The following UNC80 variants were observed in gnomAD, a reference collection of about 807,000 sequenced individuals.
UNC80 encodes the protein protein unc-80 homolog.
A neutral mutation model predicts 384.6 loss-of-function variants in UNC80; 164 were observed. The ratio of observed to expected loss-of-function variants is 0.43; its 90% CI spans 0.38 to 0.49. The LOEUF (loss-of-function observed/expected upper bound fraction) is 0.49, where lower values mean the gene tolerates loss of function less well. UNC80 is among the 20% of genes least tolerant of loss of function. The probability of loss-of-function intolerance (pLI) is 0.00; values close to 1 mark genes in which losing one functional copy is unlikely to be tolerated. For synonymous variants in UNC80, 1,486 were observed against 1,527.8 expected, an observed-to-expected ratio of 0.97 and a Z score of 0.64; for missense variants, 3,330 against 4,143.0, an observed-to-expected ratio of 0.80 and a Z score of 5.39.
At chr2:209,974,979 C>G (rs530788604) in intron 56 of UNC80, among the ~76,000 whole-genome samples, 1 of 152,144 alleles carries the variant, frequency 6.6e-6, no homozygotes, top group South Asian at 2.1e-4. Flanking sequence ...TAAGCAATTG[C>G]TGTGAAAAGT....
intron 23 of UNC80, 102 bp from the exon 24 acceptor site, chr2:209,877,852 A>G (rs1368669765): frequency 1.9e-5 from 25 of 1,301,088 alleles, no homozygotes; most frequent in Non-Finnish European, 2.5e-5. Flanking sequence ...TATGCTGGAA[A>G]TAATTCTCAT....
chr2:209,978,922 AG>A (rs1287527758), intron 59 of UNC80, among the ~76,000 whole-genome samples: 6 of 151,760 alleles, frequency 4.0e-5, no homozygotes, highest in African/African-American at 1.5e-4. Flanking sequence ...AAAAGAATTC[AG>A]GGAAAAAGTA....
chr2:209,981,408 T>C (rs1203547434), intron 59 of UNC80, among the ~76,000 whole-genome samples: 1 of 152,172 alleles, frequency 6.6e-6, no homozygotes, highest in African/African-American at 2.4e-5. Flanking sequence ...TGAAATCCCA[T>C]CTCTACTAAA....
In UNC80 at chr2:209,995,404, C is replaced by T. The variant is rs1010146293; in HGVS notation, c.9784C>T (p.Leu3262Phe). 1.4e-5 allele frequency: 21 copies of T among 1,551,890 alleles called. No homozygotes were observed. Among genetic ancestry groups the T allele is most frequent in the Non-Finnish European group, 1.7e-5 (20 of 1,147,058 alleles). The stretch of plus-strand genomic sequence containing the variant: ...ACAAGGTGCTACTGCACACAGTCCA[C>T]TCTCTGCCCAACTCTCTGACCCTGA... ...EAQGATAHSP[L>F]SAQLSDPDDF... Residue 3262 changes from leucine to phenylalanine, a missense_variant, in exon 65 of 65, where the codon CTC (leucine) becomes TTC (phenylalanine). This residue lies in a region of UNC80 where 236 missense variants were observed against 254.9 expected (regional missense o/e 0.93). Transcript: ENST00000673920.
chr2:209,855,379 T>C lies in UNC80; in HGVS notation c.3627+5756T>C, dbSNP rs537038467. On this transcript the variant is annotated intron_variant, in intron 22 of 64. Transcript: ENST00000673920. ...CTGGACTTAATACCTAGATGATGAG[T>C]TGATAGGTACAGCAAACCACCATGG... 2.0e-5 allele frequency among the ~76,000 whole-genome samples: 3 copies of C among 152,116 alleles called. No homozygotes were observed. In the East Asian group the frequency reaches 5.8e-4, roughly 29 times the overall value.
At chr2:209,978,804 T>C in intron 59 of UNC80, 96 bp downstream of exon 59, 5 of 1,200,620 alleles carry the variant, frequency 4.2e-6, no homozygotes, top group Non-Finnish European at 5.4e-6. Flanking sequence ...TTTCCGCTTC[T>C]GATCCCCTAG....
intron 47 of UNC80, among the ~76,000 whole-genome samples, chr2:209,947,581 G>A (rs1444771904): frequency 6.6e-6 from 1 of 152,120 alleles, no homozygotes; most frequent in African/African-American, 2.4e-5. Context: ...CATTCTGTCA[G>A]TTTAAACCAG....
chr2:209,906,494 A>G (rs180786640), intron 29 of UNC80, among the ~76,000 whole-genome samples: 3 of 152,234 alleles, frequency 2.0e-5, no homozygotes, highest in South Asian at 2.1e-4. Context: ...TCCCCATTTT[A>G]CAGGTTTTTC....
rs35650336 is a variant in UNC80 at position 209,924,774 on chromosome 2, AT to A, written c.5663-2054del. Among the ~76,000 whole-genome samples the A allele has an allele frequency of 7.5e-3, 1,057 of 140,374 alleles. 3 individuals carry two copies. Among genetic ancestry groups the A allele is most frequent in the African/African-American group, 9.4e-3 (363 of 38,454 alleles). The allele number at this position is 140,374 out of a possible 152,430, so 92.1% of individuals were successfully genotyped here. On this transcript the variant is annotated intron_variant, in intron 35 of 64. Transcript: ENST00000673920. ...CTACAATGTTAAATAATTGTTGCTGATTTTTTTTTTTTTTTGGAAAATGCCC... is the reference window on the plus strand; with the variant it reads ...CTACAATGTTAAATAATTGTTGCTGATTTTTTTTTTTTTTGGAAAATGCCC...
rs551655683 is a variant in UNC80, at chr2:209,804,260, G to A, written c.939-9320G>A. Among the ~76,000 whole-genome samples the A allele has an allele frequency of 3.9e-5, 6 of 152,246 alleles. No homozygotes were observed. In the South Asian group the frequency reaches 6.2e-4, roughly 16 times the overall value. On this transcript the variant is annotated intron_variant, in intron 7 of 64. Coordinates refer to ENST00000673920, the MANE Select transcript of UNC80 (RefSeq NM_001371986.1). ...CAAAGAGAGAAAATGAGAGGCACTCGTCCTTATTAGTTTTGAAATTAAGGT... is the reference window on the plus strand; with the variant it reads ...CAAAGAGAGAAAATGAGAGGCACTCATCCTTATTAGTTTTGAAATTAAGGT...
chr2:209,986,649 T>C (rs1345942689), intron 61 of UNC80, among the ~76,000 whole-genome samples: 1 of 152,158 alleles, frequency 6.6e-6, no homozygotes, highest in Non-Finnish European at 1.5e-5. Context: ...GACCATTGTG[T>C]TTTAGTTCTG....
Position 209,943,133 on chromosome 2 carries a change from A to G in UNC80, c.6916-247A>G, listed in dbSNP as rs891381651. Among the ~76,000 whole-genome samples the G allele has an allele frequency of 6.6e-5, 10 of 152,212 alleles. No homozygotes were observed. The East Asian group carries it at 1.9e-3, about 29-fold the overall frequency. Reference sequence around the variant, plus strand: ...TGTATGCATGTTTATACATGTGTCTAGTCCTTTCCTTGAGATAAATTCCTA... The same window carrying G: ...TGTATGCATGTTTATACATGTGTCTGGTCCTTTCCTTGAGATAAATTCCTA... On this transcript the variant is annotated intron_variant, in intron 44 of 64. Coordinates refer to ENST00000673920, the MANE Select transcript of UNC80 (RefSeq NM_001371986.1).
At chr2:209,841,787 A>G (rs1487431286) in intron 20 of UNC80, among the ~76,000 whole-genome samples, 2 of 152,190 alleles carry the variant, frequency 1.3e-5, no homozygotes, top group Non-Finnish European at 2.9e-5. Flanking sequence ...AACATAAGTC[A>G]TGTATTTGAG....
intron 14 of UNC80, among the ~76,000 whole-genome samples, chr2:209,826,693 C>T (rs1469520972): frequency 1.3e-5 from 2 of 152,056 alleles, no homozygotes; most frequent in Admixed American, 1.3e-4. Context: ...TTTTTATTTG[C>T]CTCTGCTGAC....
chr2:209,980,496 A>G (rs1425759445), intron 59 of UNC80, among the ~76,000 whole-genome samples: 3 of 152,200 alleles, frequency 2.0e-5, no homozygotes, highest in Non-Finnish European at 4.4e-5. Context: ...CAGACATCGT[A>G]ACCATCCCAA....
rs1281067887 is a variant in UNC80 at position 209,913,874 on chromosome 2, G to A, written c.4963G>A (p.Gly1655Arg). ...AAPILTEEMY[G>R]DIQPAAWELL... is the part of the protein sequence containing the mutation. ...ACCAATTCTGACAGAGGAGATGTAC[G>A]GAGACATCCAGCCAGCTGCCTGGGA... is the stretch of plus-strand genomic sequence containing the variant. The change falls in exon 31 of 65, where the codon GGA becomes AGA. Residue 1655 changes from glycine to arginine, a missense_variant. Gly to Arg is a moderately radical substitution (Grantham distance 125). Around this residue, in one of 8 missense-constraint regions of UNC80, gnomAD observed 801 missense variants for 950.8 expected, o/e 0.84. Transcript: ENST00000673920. 1.0e-5 allele frequency: 16 copies of A among 1,551,384 alleles called. No individual in the cohort carries two copies. The highest frequency in any genetic ancestry group is 1.1e-5 in the Non-Finnish European group (13 of 1,146,734).
In UNC80 at chr2:209,977,047, A is replaced by C; in HGVS notation, c.8907A>C (p.Lys2969Asn). 1 of 1,521,856 alleles carries C rather than the reference A, an allele frequency of 6.6e-7. No homozygotes were observed. Among genetic ancestry groups the C allele is most frequent in the Non-Finnish European group, 8.9e-7 (1 of 1,122,362 alleles). The allele number at this position is 1,521,856 out of a possible 1,614,324, so 94.3% of individuals were successfully genotyped here. A position where few individuals can be genotyped will look rare whatever the true frequency, so the allele number is the denominator to read the frequency against. ...TTGCTGAGTTCAACAGTGAACTAAAAATTCTAAAAGAGGCAGTTCATAGTG... is the reference window on the plus strand; with the variant it reads ...TTGCTGAGTTCAACAGTGAACTAAACATTCTAAAAGAGGCAGTTCATAGTG... ...SLIAEFNSEL[K>N]ILKEAVHSGS... The change falls in exon 58 of 65, where the codon AAA (lysine) becomes AAC (asparagine). Residue 2969 changes from lysine (K) to asparagine (N), a missense_variant. Around this residue, in one of 8 missense-constraint regions of UNC80, gnomAD observed 216 missense variants for 245.3 expected, o/e 0.88. Transcript: ENST00000673920.
At chr2:209,834,742 C>T (rs2081227438) in intron 17 of UNC80, among the ~76,000 whole-genome samples, 170 bp from the exon 18 acceptor site, 1 of 152,216 alleles carries the variant, frequency 6.6e-6, no homozygotes, top group Admixed American at 6.5e-5. Flanking sequence ...GCTGCTAAGT[C>T]ATGAGTTAAT....
intron 51 of UNC80, among the ~76,000 whole-genome samples, chr2:209,963,278 T>C (rs2092650747): frequency 6.6e-6 from 1 of 152,208 alleles, no homozygotes; most frequent in Non-Finnish European, 1.5e-5. Flanking sequence ...TTTCTCTCTT[T>C]CTCTTTTCCT....
Sources: allele counts gnomAD v4.1 joint callset (sites outside exome capture counted in the v4.1 genomes callset), GRCh38; gene constraint gnomAD v4.1.1; regional missense constraint gnomAD v4.1.1; transcripts MANE v1.5; gene names NCBI Gene and HGNC (gene_info 2026-07-23, HGNC 2026-07-21).